Variants in C3orf22 observed in about 807,000 individuals in gnomAD.
The protein encoded by C3orf22 is chromosome 3 open reading frame 22.
A neutral mutation model predicts 10.8 loss-of-function variants in C3orf22; 7 were observed. That is an observed-to-expected ratio of 0.65 (90% CI 0.37 to 1.22). The LOEUF (loss-of-function observed/expected upper bound fraction) is 1.22. Among genes scored for constraint, C3orf22 ranks in the 50% most tolerant of loss-of-function variants. The pLI, the probability that C3orf22 is intolerant of heterozygous loss-of-function variation, is 0.02. For missense variants in C3orf22, 173 were observed against 177.0 expected (o/e 0.98, Z 0.13); for synonymous variants, 79 against 78.9 (o/e 1.00, Z 0.00).
chr3:126,536,788 G>A (rs1315360812), intron 4 of C3orf22, among the ~76,000 whole-genome samples: 1 of 151,312 alleles, frequency 6.6e-6, no homozygotes, highest in Non-Finnish European at 1.5e-5. Context: ...CTTCAGCTGG[G>A]GGCCTGCAGG....
chr3:126,542,783 G>A (rs1937000013), intron 4 of C3orf22: 1 of 651,794 alleles, frequency 1.5e-6, no homozygotes, highest in Non-Finnish European at 2.2e-6. Context: ...TGCCTGCCTC[G>A]GCCTGTCGCC....
rs777725178 is a variant in C3orf22, at chr3:126,553,259, G to A, written c.89+43C>T. On this transcript the variant is annotated intron_variant, in intron 2 of 3. Transcript: ENST00000318225. ...AGTTCCCAGGATGCTGGGGTGACCT[G>A]GGGGAGGCAGGGCTTGTCTCCAGAG... The A allele has an allele frequency of 8.7e-6, 12 of 1,382,422 alleles. No individual in the cohort carries two copies. The South Asian group carries it at 1.4e-4, about 16-fold the overall frequency. The allele number at this position is 1,382,422 out of a possible 1,614,324, so 85.6% of individuals were successfully genotyped here.
intron 2 of C3orf22, 74 bp from the exon 3 acceptor site, chr3:126,552,196 C>G: frequency 6.2e-7 from 1 of 1,603,436 alleles, no homozygotes; most frequent in Non-Finnish European, 8.5e-7. Flanking sequence ...TCATCTGGAA[C>G]TTTCCATCTG....
At chr3:126,527,606 T>C (rs1447182601) in exon 6 of C3orf22, 2 of 152,466 alleles carry the variant, frequency 1.3e-5, no homozygotes, top group Non-Finnish European at 2.9e-5. Flanking sequence ...TGGACAGGCC[T>C]AGGCCACATG....
rs1368439836 is a variant in C3orf22, at chr3:126,535,896, G to A, written c.287-6524C>T. Among the ~76,000 whole-genome samples the A allele has an allele frequency of 5.3e-5, 8 of 152,350 alleles. No individual in the cohort carries two copies. The South Asian group carries it at 1.4e-3, about 28-fold the overall frequency. On this transcript the variant is annotated intron_variant and NMD_transcript_variant, in intron 4 of 5. Coordinates refer to the C3orf22 transcript ENST00000505070. ...AGGGTGCTGGGCAGCCAGCCAGCCT[G>A]GTGAACCCCACAAGGGTTGGGGCAT...
At chr3:126,533,684 T>C (rs72982013) in intron 4 of C3orf22, among the ~76,000 whole-genome samples, 17,584 of 152,182 alleles carry the variant, frequency 0.12, 1,642 homozygotes, top group African/African-American at 0.26. Context: ...GTAGTTCCCT[T>C]TTCTTGTGAT....
intron 4 of C3orf22, among the ~76,000 whole-genome samples, chr3:126,540,872 A>G (rs929291110): frequency 6.6e-6 from 1 of 152,176 alleles, no homozygotes; most frequent in African/African-American, 2.4e-5. Flanking sequence ...CCAATTCCTA[A>G]TTGTCTTTTT....
rs572448318 is a variant in C3orf22 at position 126,550,525 on chromosome 3, C to T, written c.216-447G>A. On this transcript the variant is annotated intron_variant, in intron 3 of 3. Transcript: ENST00000318225. ...CAGCCCATCTCCCAGCAGCTACATG[C>T]AGGACCCAGCATGCCACCCACAGGC... is the stretch of plus-strand genomic sequence containing the variant. Among the ~76,000 whole-genome samples, 11 of 152,352 alleles carry T rather than the reference C, an allele frequency of 7.2e-5. No individual in the cohort carries two copies. In the East Asian group the frequency reaches 1.4e-3, roughly 19 times the overall value.
chr3:126,551,212 A>G (rs1171936071), intron 3 of C3orf22, among the ~76,000 whole-genome samples: 1 of 152,076 alleles, frequency 6.6e-6, no homozygotes, highest in East Asian at 1.9e-4. Context: ...GACAGGCACT[A>G]TATCAAACAA....
At chr3:126,553,817 A>G (rs1937261354) in intron 1 of C3orf22, among the ~76,000 whole-genome samples, 1 of 151,786 alleles carries the variant, frequency 6.6e-6, no homozygotes, top group African/African-American at 2.4e-5. Context: ...TTTCTTCCAG[A>G]TCAGCCCAAA....
chr3:126,536,224 C>A lies in C3orf22; in HGVS notation c.287-6852G>T, dbSNP rs1432328194. ...GGTTGGCCAAACCCCCAGGTCCATG[C>A]AAGTCCCTCTGATATGGTGGCGACA... On this transcript the variant is annotated intron_variant and NMD_transcript_variant, in intron 4 of 5. Transcript: ENST00000505070. The A allele has an allele frequency of 9.0e-6, 14 of 1,554,640 alleles. No individual in the cohort carries two copies. In the Middle Eastern group the frequency reaches 5.0e-4, roughly 56 times the overall value.
intron 4 of C3orf22, among the ~76,000 whole-genome samples, chr3:126,538,058 G>A (rs987341196): frequency 1.3e-5 from 2 of 152,224 alleles, no homozygotes; most frequent in Admixed American, 1.3e-4. Flanking sequence ...TCCCCAAAGA[G>A]AGCTGTGTGA....
chr3:126,546,927 C>A (rs1937079024), downstream of C3orf22, among the ~76,000 whole-genome samples: 1 of 152,220 alleles, frequency 6.6e-6, no homozygotes, highest in Non-Finnish European at 1.5e-5. Context: ...GGGAATCAAC[C>A]ATAAATCCAT....
intron 2 of C3orf22, among the ~76,000 whole-genome samples, chr3:126,552,955 T>G (rs528826933): frequency 1.1e-4 from 16 of 152,288 alleles, no homozygotes; most frequent in African/African-American, 3.8e-4. Context: ...TAGTTGCGAG[T>G]CCCAGGAGCT....
chr3:126,538,852 TG>T (rs1936859006), intron 4 of C3orf22, among the ~76,000 whole-genome samples: 2 of 152,302 alleles, frequency 1.3e-5, no homozygotes, highest in South Asian at 4.1e-4. Flanking sequence ...CAGGGTTCAC[TG>T]TTTCTCAAAA....
chr3:126,549,709 G>T lies in C3orf22; in HGVS notation c.*159C>A. On this transcript the variant is annotated 3_prime_UTR_variant, in exon 4 of 4. Transcript: ENST00000318225. ...GCTGGAAGTGGGGTGGGAACTCGCA[G>T]TTTATTAGCTTGGTGTAGCTTTTTG... 1 of 1,524,484 alleles carries T rather than the reference G, an allele frequency of 6.6e-7. No individual in the cohort carries two copies. The allele number at this position is 1,524,484 out of a possible 1,614,324, so 94.4% of individuals were successfully genotyped here.
At chr3:126,554,870 C>A (rs967870098) in intron 1 of C3orf22, among the ~76,000 whole-genome samples, 1 of 152,130 alleles carries the variant, frequency 6.6e-6, no homozygotes, top group Non-Finnish European at 1.5e-5. Context: ...GTCCTTGTGG[C>A]CTAGCCAGGT....
chr3:126,542,462 G>C (rs1274150351), intron 4 of C3orf22: 2 of 1,573,728 alleles, frequency 1.3e-6, no homozygotes, highest in Non-Finnish European at 1.7e-6. Context: ...CCGCGACCTG[G>C]CAGCGCGCCT....
downstream of C3orf22, among the ~76,000 whole-genome samples, chr3:126,545,210 G>A (rs562432526): frequency 6.6e-6 from 1 of 152,336 alleles, no homozygotes; most frequent in Non-Finnish European, 1.5e-5. Flanking sequence ...TGCCCACAAG[G>A]GCTGATGGCA....
Sources: gnomAD v4.1 joint callset for allele counts (sites outside exome capture counted in the v4.1 genomes callset) on GRCh38, gnomAD v4.1.1 for gene constraint, MANE v1.5 for transcripts, NCBI Gene and HGNC (gene_info 2026-07-23, HGNC 2026-07-21) for gene names.